The following METAP1 variants were observed in gnomAD, a reference collection of about 807,000 sequenced individuals.
METAP1 encodes the protein methionine aminopeptidase 1.
A neutral mutation model predicts 53.8 loss-of-function variants in METAP1; 28 were observed. The ratio of observed to expected loss-of-function variants is 0.52; its 90% CI spans 0.39 to 0.71. METAP1 has a LOEUF of 0.71. Ranked by LOEUF, METAP1 falls within the 30% of genes least tolerant of loss-of-function variation. The probability of loss-of-function intolerance (pLI) is 0.00; values close to 1 mark genes in which losing one functional copy is unlikely to be tolerated. For missense variants in METAP1, 389 were observed against 479.8 expected (o/e 0.81, Z 1.77); for synonymous variants, 181 against 165.7 (o/e 1.09, Z -0.71).
At chr4:99,016,685 A>C (rs1723787807) in intron 1 of METAP1, among the ~76,000 whole-genome samples, 1 of 152,208 alleles carries the variant, frequency 6.6e-6, no homozygotes, top group African/African-American at 2.4e-5. Context: ...CAACTTGAAC[A>C]CTTTGGAATG....
At chr4:99,056,001 AG>A (rs1249576834) in intron 9 of METAP1, among the ~76,000 whole-genome samples, 1 of 152,246 alleles carries the variant, frequency 6.6e-6, no homozygotes, top group Non-Finnish European at 1.5e-5. Context: ...TGAAATCTGC[AG>A]TAAGTGTATT....
At chr4:99,017,142 A>G (rs1232446793) in intron 1 of METAP1, among the ~76,000 whole-genome samples, 1 of 152,230 alleles carries the variant, frequency 6.6e-6, no homozygotes, top group Admixed American at 6.5e-5. Context: ...GTCCAGGGAC[A>G]TGTACAATAG....
At chr4:99,023,011 T>C (rs576511171) in intron 1 of METAP1, 2 of 1,459,562 alleles carry the variant, frequency 1.4e-6, no homozygotes, top group South Asian at 2.4e-5. Context: ...CACTACCCGC[T>C]TCTTGCTGCC....
intron 9 of METAP1, among the ~76,000 whole-genome samples, chr4:99,054,556 A>G (rs948182790): frequency 6.6e-6 from 1 of 152,172 alleles, no homozygotes; most frequent in Admixed American, 6.5e-5. Context: ...TAGCGCTTTC[A>G]ATTTCCTTCA....
rs528314033 is a variant in METAP1 at position 99,045,137 on chromosome 4, T to C, written c.656-42T>C. The C allele has an allele frequency of 2.5e-6, 4 of 1,584,540 alleles. No homozygotes were observed. In the African/African-American group the frequency reaches 4.0e-5, roughly 16 times the overall value. ...TTGGAAAAACACTTGAATTTTGAAA[T>C]GAAAATAAGTATGGTCTTTATATTT... On this transcript the variant is annotated intron_variant, in intron 7 of 10. Coordinates refer to ENST00000296411, the MANE Select transcript of METAP1 (RefSeq NM_015143.3).
intron 1 of METAP1, among the ~76,000 whole-genome samples, chr4:99,006,073 C>T (rs1431676099): frequency 1.3e-5 from 2 of 152,154 alleles, no homozygotes; most frequent in Non-Finnish European, 2.9e-5. Flanking sequence ...CATATGCTAG[C>T]TAGGACTTGT....
intron 9 of METAP1, among the ~76,000 whole-genome samples, chr4:99,053,547 C>G (rs922593956): frequency 6.6e-6 from 1 of 152,222 alleles, no homozygotes; most frequent in South Asian, 2.1e-4. Context: ...GCCACCACAC[C>G]CAGCCTACAA....
chr4:98,995,891 T>C, intron 1 of METAP1, 24 bp downstream of exon 1: 1 of 1,515,402 alleles, frequency 6.6e-7, no homozygotes, highest in African/African-American at 1.4e-5. Flanking sequence ...GCCCCGCGGA[T>C]ATGCCGCCGC....
chr4:99,014,022 G>C (rs886297483), intron 1 of METAP1, among the ~76,000 whole-genome samples: 4 of 152,182 alleles, frequency 2.6e-5, no homozygotes, highest in Admixed American at 1.3e-4. Flanking sequence ...TCCGAATAGG[G>C]TGGGGGAGAG....
chr4:99,017,384 A>G (rs1043687383), intron 1 of METAP1, among the ~76,000 whole-genome samples: 5 of 152,264 alleles, frequency 3.3e-5, no homozygotes, highest in Non-Finnish European at 7.3e-5. Flanking sequence ...AATAGTTATC[A>G]GGTAATTGCC....
chr4:99,031,545 C>T (rs62325189), intron 2 of METAP1: 1 of 1,288,858 alleles, frequency 7.8e-7, no homozygotes, highest in Non-Finnish European at 1.0e-6. Flanking sequence ...CTGGCTCCAC[C>T]AAACTTTGTG....
At chr4:99,051,124 G>A (rs143883732) in intron 9 of METAP1, among the ~76,000 whole-genome samples, 91 of 152,256 alleles carry the variant, frequency 6.0e-4, no homozygotes, top group African/African-American at 2.0e-3. Flanking sequence ...GTATGTAAGA[G>A]TATGTGCAGG....
chr4:99,048,402 T>A (rs1222882189), intron 8 of METAP1, among the ~76,000 whole-genome samples: 2 of 152,030 alleles, frequency 1.3e-5, no homozygotes, highest in African/African-American at 2.4e-5. Flanking sequence ...TGAGACAAGG[T>A]CTCTCTCTTT....
intron 1 of METAP1, among the ~76,000 whole-genome samples, chr4:98,996,139 G>C (rs982881077): frequency 6.6e-6 from 1 of 152,110 alleles, no homozygotes; most frequent in South Asian, 2.1e-4. Flanking sequence ...GTGCGGGGTC[G>C]CGTGGCCGCG....
At chr4:99,043,412 C>T (rs1397149656) in intron 7 of METAP1, 25 bp downstream of exon 7, 2 of 1,561,436 alleles carry the variant, frequency 1.3e-6, no homozygotes, top group Non-Finnish European at 1.7e-6. Flanking sequence ...TTACTTTCAT[C>T]ACCATGGGCA....
chr4:99,017,933 C>T (rs1387431468), intron 1 of METAP1, among the ~76,000 whole-genome samples: 1 of 152,190 alleles, frequency 6.6e-6, no homozygotes, highest in African/African-American at 2.4e-5. Context: ...ATTGTCTGTG[C>T]TAACAAAAAG....
intron 9 of METAP1, 121 bp from the exon 10 acceptor site, chr4:99,057,632 A>G (rs1413610696): frequency 1.4e-6 from 1 of 709,022 alleles, no homozygotes; most frequent in African/African-American, 1.8e-5. Flanking sequence ...AAGAAAGGGA[A>G]TCAGGGTAAT....
chr4:99,026,106 C>A, intron 1 of METAP1: 1 of 408,626 alleles, frequency 2.4e-6, no homozygotes, highest in Non-Finnish European at 3.3e-6. Context: ...CACATGTTGT[C>A]AGTACTCCCT....
intron 5 of METAP1, among the ~76,000 whole-genome samples, chr4:99,039,792 C>T (rs1259660548): frequency 6.6e-6 from 1 of 152,114 alleles, no homozygotes; most frequent in Non-Finnish European, 1.5e-5. Context: ...TGGGGTTTCA[C>T]CATGTTGCCC....
Sources: allele counts gnomAD v4.1 joint callset (sites outside exome capture counted in the v4.1 genomes callset), GRCh38; gene constraint gnomAD v4.1.1; transcripts MANE v1.5; gene names NCBI Gene and HGNC (gene_info 2026-07-23, HGNC 2026-07-21).